Variants in ZNF618 observed in about 807,000 individuals in gnomAD.
ZNF618 encodes zinc finger protein 618.
ZNF618 carries 34 observed loss-of-function variants against 103.0 expected under a neutral mutation model. That is an observed-to-expected ratio of 0.33 (90% CI 0.25 to 0.44). ZNF618 has a LOEUF of 0.44. Among genes scored for constraint, ZNF618 ranks in the 20% least tolerant of loss-of-function variants. The pLI, the probability that ZNF618 is intolerant of heterozygous loss-of-function variation, is 1.00. For synonymous variants in ZNF618, 551 were observed against 542.2 expected (o/e 1.02, Z -0.23); for missense variants, 1,059 against 1,295.4 (o/e 0.82, Z 2.80).
intron 12 of ZNF618, among the ~76,000 whole-genome samples, 166 bp downstream of exon 12, chr9:114,032,894 G>A (rs1214566837): frequency 2.6e-5 from 4 of 152,146 alleles, no homozygotes; most frequent in Non-Finnish European, 4.4e-5. Context: ...ACAGAGGCAG[G>A]AGGGGCCTTT....
chr9:113,889,531 A>T (rs1332270146), intron 1 of ZNF618, among the ~76,000 whole-genome samples: 1 of 152,196 alleles, frequency 6.6e-6, no homozygotes, highest in Non-Finnish European at 1.5e-5. Context: ...ACCACATTGT[A>T]TTGATGGAGG....
intron 3 of ZNF618, among the ~76,000 whole-genome samples, chr9:113,994,665 A>G (rs749857533): frequency 6.6e-6 from 1 of 152,210 alleles, no homozygotes; most frequent in Non-Finnish European, 1.5e-5. Context: ...CGTAATAGGT[A>G]TGGAAGTGTT....
At chr9:114,048,094 T>A in intron 14 of ZNF618, 100 bp downstream of exon 14, 1 of 1,032,328 alleles carries the variant, frequency 9.7e-7, no homozygotes, top group Non-Finnish European at 1.4e-6. Context: ...TGTGATGTTG[T>A]AAGATGATGC....
intron 10 of ZNF618, among the ~76,000 whole-genome samples, chr9:114,019,250 G>A (rs1842885196): frequency 6.6e-6 from 1 of 152,140 alleles, no homozygotes; most frequent in South Asian, 2.1e-4. Flanking sequence ...CCATTTACCT[G>A]TTAATTTGGG....
intron 1 of ZNF618, among the ~76,000 whole-genome samples, chr9:113,902,498 G>A (rs774613956): frequency 6.6e-6 from 1 of 152,088 alleles, no homozygotes; most frequent in Non-Finnish European, 1.5e-5. Context: ...CCTCCAAGCC[G>A]CTTATTCTAA....
At chr9:113,927,312 G>A (rs1833189387) in intron 1 of ZNF618, among the ~76,000 whole-genome samples, 1 of 152,200 alleles carries the variant, frequency 6.6e-6, no homozygotes, top group African/African-American at 2.4e-5. Context: ...TATTGTAGCT[G>A]TCAGTGTCAG....
chr9:114,046,439 C>T (rs962046377), intron 13 of ZNF618, among the ~76,000 whole-genome samples: 1 of 152,216 alleles, frequency 6.6e-6, no homozygotes, highest in South Asian at 2.1e-4. Flanking sequence ...TAGGCTATAC[C>T]GTATAGCCTA....
At position 114,002,646 on chromosome 9, in the gene ZNF618, G is replaced by A. The variant is rs1363707183; in HGVS notation, c.534G>A (p.Glu178=). 2.5e-6 allele frequency: 4 copies of A among 1,611,454 alleles called. No individual in the cohort carries two copies. The highest frequency in any genetic ancestry group is 3.4e-6 in the Non-Finnish European group (4 of 1,179,726). The stretch of plus-strand genomic sequence containing the variant: ...CAGACACCGAAGCCACCTCAGGGGA[G>A]GGAGCCTCCCAAAGCAGTGAGTACT... ...AHRDTEATSG[E]GASQSNNFRY... The change falls in exon 6 of 15, where the codon GAG becomes GAA. Residue 178 remains glutamate (E), a synonymous_variant. Coordinates refer to ENST00000374126, the MANE Select transcript of ZNF618 (RefSeq NM_001318042.2).
At chr9:113,908,271 T>A (rs1831174365) in intron 1 of ZNF618, among the ~76,000 whole-genome samples, 1 of 152,104 alleles carries the variant, frequency 6.6e-6, no homozygotes, top group Non-Finnish European at 1.5e-5. Flanking sequence ...AAAGCCTTTT[T>A]AGCTAAAGAA....
At position 113,948,960 on chromosome 9, in the gene ZNF618, C is replaced by T. The variant is rs117894069; in HGVS notation, c.34-20157C>T. ...TTTGCTATGAGATCATCTGTTCTCCCGCTTCTTCCCAAAAGGGGGAACTCA... is the reference window on the plus strand; with the variant it reads ...TTTGCTATGAGATCATCTGTTCTCCTGCTTCTTCCCAAAAGGGGGAACTCA... On this transcript the variant is annotated intron_variant, in intron 1 of 14. Transcript: ENST00000374126. Among the ~76,000 whole-genome samples the T allele has an allele frequency of 3.5e-4, 54 of 152,340 alleles. No individual in the cohort carries two copies. The East Asian group carries it at 9.6e-3, about 27-fold the overall frequency.
At chr9:114,007,628 A>T (rs1384285838) in intron 7 of ZNF618, among the ~76,000 whole-genome samples, 189 bp downstream of exon 7, 3 of 152,206 alleles carry the variant, frequency 2.0e-5, no homozygotes, top group Admixed American at 6.5e-5. Context: ...CATACTCCAC[A>T]TACACTTCTA....
intron 9 of ZNF618, among the ~76,000 whole-genome samples, chr9:114,015,928 G>GC (rs1322032861): frequency 6.6e-6 from 1 of 152,230 alleles, no homozygotes; most frequent in Non-Finnish European, 1.5e-5. Flanking sequence ...GCTCACAGGA[G>GC]CCAGACAGGT....
chr9:113,971,566 A>T (rs941764003), intron 2 of ZNF618, among the ~76,000 whole-genome samples: 4 of 152,306 alleles, frequency 2.6e-5, no homozygotes, highest in Admixed American at 2.6e-4. Flanking sequence ...GTGAATGAAG[A>T]GACAAAGCAC....
At chr9:113,993,270 G>A (rs897569099) in intron 3 of ZNF618, among the ~76,000 whole-genome samples, 3 of 152,154 alleles carry the variant, frequency 2.0e-5, no homozygotes, top group South Asian at 2.1e-4. Flanking sequence ...GCCTCGCTCC[G>A]GGTTCATGGC....
chr9:114,011,717 T>G (rs1464882957), intron 9 of ZNF618, among the ~76,000 whole-genome samples: 2 of 152,108 alleles, frequency 1.3e-5, no homozygotes, highest in Non-Finnish European at 2.9e-5. Context: ...CAGGAGTGAG[T>G]GCTGGGAAGT....
chr9:114,016,220 TG>T, intron 9 of ZNF618: 1 of 1,542,600 alleles, frequency 6.5e-7, no homozygotes, highest in Non-Finnish European at 9.0e-7. Context: ...TGACCCCTGC[TG>T]CTAGTGGGTG....
intron 1 of ZNF618, among the ~76,000 whole-genome samples, chr9:113,888,717 T>A (rs151093137): frequency 1.3e-5 from 2 of 152,166 alleles, no homozygotes; most frequent in African/African-American, 4.8e-5. Context: ...CGCTTTCCAG[T>A]CTCGGGTACA....
intron 1 of ZNF618, among the ~76,000 whole-genome samples, chr9:113,905,637 C>T (rs1030050019): frequency 5.9e-5 from 9 of 152,220 alleles, no homozygotes; most frequent in Non-Finnish European, 1.0e-4. Flanking sequence ...CTGTTCGTAG[C>T]CCTGGATGAG....
Position 113,912,947 on chromosome 9 carries a change from C to G in ZNF618, c.33+36534C>G, listed in dbSNP as rs957406829. ...GGAACCTTGGGCCTTCAAGAAAACC[C>G]TCCAAGGTCAGAGGCGGCTGTTACT... On this transcript the variant is annotated intron_variant, in intron 1 of 14. Transcript: ENST00000374126. Among the ~76,000 whole-genome samples the G allele has an allele frequency of 2.0e-5, 3 of 152,122 alleles. No individual in the cohort carries two copies. In the East Asian group the frequency reaches 5.8e-4, roughly 29 times the overall value.
Sources: allele counts gnomAD v4.1 joint callset (sites outside exome capture counted in the v4.1 genomes callset), GRCh38; gene constraint gnomAD v4.1.1; transcripts MANE v1.5; gene names NCBI Gene and HGNC (gene_info 2026-07-23, HGNC 2026-07-21).